Variants in PTPRK observed in about 807,000 individuals in gnomAD.
PTPRK encodes protein tyrosine phosphatase receptor type K, also known as receptor-type tyrosine-protein phosphatase kappa.
In PTPRK, 75 loss-of-function variants were observed where a neutral mutation model predicts 178.0. The ratio of observed to expected loss-of-function variants is 0.42; its 90% CI spans 0.35 to 0.51. The LOEUF (loss-of-function observed/expected upper bound fraction) is 0.51. Among genes scored for constraint, PTPRK ranks in the 20% least tolerant of loss-of-function variants. PTPRK has a pLI of 0.02. For missense variants in PTPRK, 1,441 were observed against 1,797.8 expected (o/e 0.80, Z 3.59); for synonymous variants, 637 against 620.6 (o/e 1.03, Z -0.39).
At chr6:128,302,417 A>G (rs1174981288) in intron 3 of PTPRK, among the ~76,000 whole-genome samples, 1 of 149,030 alleles carries the variant, frequency 6.7e-6, no homozygotes, top group Non-Finnish European at 1.5e-5. Flanking sequence ...AAAAAAAAAA[A>G]GCCAGGAAAG....
intron 13 of PTPRK, among the ~76,000 whole-genome samples, chr6:128,022,751 C>T (rs1216602881): frequency 6.6e-6 from 1 of 152,210 alleles, no homozygotes; most frequent in Non-Finnish European, 1.5e-5. Flanking sequence ...ATCTGCCTCA[C>T]TCTGAGTTTG....
chr6:128,084,977 T>C (rs1299710686), intron 8 of PTPRK: 2 of 152,146 alleles, frequency 1.3e-5, no homozygotes, highest in Non-Finnish European at 2.9e-5. Context: ...TTGAAATAAA[T>C]TAAAAATCAC....
chr6:128,452,555 C>T (rs1193106426), intron 1 of PTPRK, among the ~76,000 whole-genome samples: 1 of 152,060 alleles, frequency 6.6e-6, no homozygotes, highest in Non-Finnish European at 1.5e-5. Flanking sequence ...TGAGGCAAAC[C>T]ATGCAAGACA....
At chr6:128,031,274 G>A (rs73773992) in intron 13 of PTPRK, among the ~76,000 whole-genome samples, 16,551 of 152,080 alleles carry the variant, frequency 0.11, 2,300 homozygotes, top group African/African-American at 0.32. Context: ...AAACGTACAC[G>A]ACTGCTTTGT....
chr6:128,364,271 T>C (rs942823600), intron 2 of PTPRK, among the ~76,000 whole-genome samples: 2 of 152,076 alleles, frequency 1.3e-5, no homozygotes, highest in Non-Finnish European at 2.9e-5. Context: ...ATTTTTCTTA[T>C]ACATTCTCAA....
chr6:128,451,653 G>C (rs1847812171), intron 1 of PTPRK, among the ~76,000 whole-genome samples: 1 of 152,016 alleles, frequency 6.6e-6, no homozygotes, highest in Admixed American at 6.6e-5. Context: ...TTTTGGAAAT[G>C]TAGGGGTTTT....
chr6:128,089,111 C>T (rs954732250), intron 8 of PTPRK, among the ~76,000 whole-genome samples: 5 of 152,072 alleles, frequency 3.3e-5, no homozygotes, highest in Admixed American at 6.5e-5. Flanking sequence ...GGCAGGCACC[C>T]GCCACCACAC....
At chr6:128,385,036 G>A (rs376346485) in intron 2 of PTPRK, among the ~76,000 whole-genome samples, 1 of 148,990 alleles carries the variant, frequency 6.7e-6, no homozygotes, top group Non-Finnish European at 1.5e-5. Flanking sequence ...TTATCATTGT[G>A]TTACCTTCTA....
intron 2 of PTPRK, among the ~76,000 whole-genome samples, chr6:128,324,028 G>A (rs947089381): frequency 2.2e-4 from 34 of 152,086 alleles, no homozygotes; most frequent in Non-Finnish European, 1.5e-5. Flanking sequence ...GATTTGGCAA[G>A]ATGTCTTTCA....
chr6:128,167,019 T>TATTC (rs1229430490), intron 7 of PTPRK, among the ~76,000 whole-genome samples: 1 of 151,564 alleles, frequency 6.6e-6, no homozygotes, highest in Non-Finnish European at 1.5e-5. Context: ...TCTGGAAAAA[T>TATTC]ATTCAACTTC....
chr6:128,451,602 TAAAAA>T (rs550595039), intron 1 of PTPRK, among the ~76,000 whole-genome samples: 1 of 150,858 alleles, frequency 6.6e-6, no homozygotes, highest in Non-Finnish European at 1.5e-5. Context: ...CAAAATATGT[TAAAAA>T]AAAAGCCTCG....
chr6:128,178,626 T>C (rs1017688287), intron 7 of PTPRK, among the ~76,000 whole-genome samples: 1 of 151,818 alleles, frequency 6.6e-6, no homozygotes, highest in African/African-American at 2.4e-5. Flanking sequence ...CTGTTTCTGA[T>C]TTGAAATGAG....
intron 6 of PTPRK, among the ~76,000 whole-genome samples, chr6:128,197,226 G>A (rs114594845): frequency 0.028 from 4,188 of 147,208 alleles, 138 homozygotes; most frequent in African/African-American, 0.08. Flanking sequence ...TTAAGTTCAG[G>A]ATACATGTGC....
At chr6:128,394,472 C>T (rs1024723653) in intron 2 of PTPRK, among the ~76,000 whole-genome samples, 21 of 152,142 alleles carry the variant, frequency 1.4e-4, no homozygotes, top group African/African-American at 4.3e-4. Flanking sequence ...ACATTCTTAC[C>T]AACACTTGGA....
intron 1 of PTPRK, among the ~76,000 whole-genome samples, chr6:128,431,363 ATATTTTGAAAAAGAATACAAAATATCT>A (rs1346132576): frequency 4.6e-5 from 7 of 152,220 alleles, no homozygotes; most frequent in Non-Finnish European, 4.4e-5. Context: ...TAAATAAAAT[ATATTTTGAAAAAGAATACAAAATATCT>A]TTGTGAGCTA....
chr6:128,043,727 T>C (rs73773998), intron 13 of PTPRK, among the ~76,000 whole-genome samples: 3,266 of 151,996 alleles, frequency 0.021, 105 homozygotes, highest in African/African-American at 0.075. Flanking sequence ...ATATAGAATC[T>C]GAATGTTATT....
At chr6:128,294,207 G>A (rs1377512843) in intron 3 of PTPRK, among the ~76,000 whole-genome samples, 1 of 152,008 alleles carries the variant, frequency 6.6e-6, no homozygotes. Context: ...TTAAAAAGAA[G>A]AAATCAATGT....
chr6:128,384,066 G>A (rs901722589), intron 2 of PTPRK, among the ~76,000 whole-genome samples: 3 of 152,070 alleles, frequency 2.0e-5, no homozygotes, highest in Non-Finnish European at 2.9e-5. Flanking sequence ...TACTTTAGCT[G>A]CTACTTTAGG....
intron 11 of PTPRK, among the ~76,000 whole-genome samples, chr6:128,069,580 T>C (rs1050792883): frequency 5.3e-5 from 8 of 152,212 alleles, no homozygotes; most frequent in South Asian, 2.1e-4. Flanking sequence ...CATCCACATA[T>C]GCATATAAAC....
Sources: gnomAD v4.1 joint callset for allele counts (sites outside exome capture counted in the v4.1 genomes callset) on GRCh38, gnomAD v4.1.1 for gene constraint, MANE v1.5 for transcripts, NCBI Gene and HGNC (gene_info 2026-07-23, HGNC 2026-07-21) for gene names.